MAU2: variants seen among roughly 807,000 people sequenced by gnomAD.
The protein encoded by MAU2 is MAU2 chromatid cohesion factor homolog.
In MAU2, 9 loss-of-function variants were observed where a neutral mutation model predicts 89.1. That is an observed-to-expected ratio of 0.10 (90% CI 0.06 to 0.18). The LOEUF is 0.18. Among genes scored for constraint, MAU2 ranks in the 10% least tolerant of loss-of-function variants. The probability of loss-of-function intolerance (pLI) is 1.00; values close to 1 mark genes in which losing one functional copy is unlikely to be tolerated. For missense variants in MAU2, 425 were observed against 803.5 expected, an observed-to-expected ratio of 0.53 and a Z score of 5.69; for synonymous variants, 357 against 343.4, an observed-to-expected ratio of 1.04 and a Z score of -0.44.
Position 19,320,921 on chromosome 19 carries a change from C to A in MAU2, c.62C>A (p.Ala21Glu), listed in dbSNP as rs768791202. The A allele has an allele frequency of 1.3e-5, 21 of 1,560,254 alleles. No homozygotes were observed. Among genetic ancestry groups the A allele is most frequent in the Non-Finnish European group, 1.8e-5 (21 of 1,153,648 alleles). Residue 21 changes from alanine (A) to glutamate (E), a missense_variant, in exon 1 of 19, where the codon GCG becomes GAG. By Grantham distance (107) the Ala-to-Glu change is moderately radical (BLOSUM62 -1). This residue lies in a region of MAU2 where 61 missense variants were observed against 40.1 expected (regional missense o/e 1.52). Coordinates refer to ENST00000262815, the MANE Select transcript of MAU2 (RefSeq NM_015329.4). ...AAAAQAAQAE[A>E]ADSWYLALLG... ...GCGGCCCAGGCTGCGCAGGCCGAGG[C>A]GGCCGACTCGTGGTACCTGGCGCTT... is the stretch of plus-strand genomic sequence containing the variant.
rs756997 is a variant in MAU2, at chr19:19,356,276, G to C, written c.*494G>C. ...GAATTTGGAGGGAAGAAGTAATGGC[G>C]CTAGTGTGGGACGAAGCACAGATCC... On this transcript the variant is annotated 3_prime_UTR_variant, in exon 19 of 19. Transcript: ENST00000262815. 0.84 allele frequency: 297,829 copies of C among 352,660 alleles called. 126,024 individuals are homozygous for C. Among genetic ancestry groups the C allele is most frequent in the East Asian group, 1 (13,347 of 13,354 alleles). 21.8% of individuals were successfully genotyped at this position (352,660 alleles called of 1,614,324 possible). A position where few individuals can be genotyped will look rare whatever the true frequency, so the allele number is the denominator to read the frequency against.
intron 1 of MAU2, chr19:19,321,452 C>T (rs2061455317): frequency 3.3e-6 from 1 of 304,264 alleles, no homozygotes; most frequent in Non-Finnish European, 6.1e-6. Context: ...CAGGAGGATC[C>T]CACCTGTTGG....
At chr19:19,349,889 C>G (rs926959203) in intron 16 of MAU2, among the ~76,000 whole-genome samples, 1 of 152,026 alleles carries the variant, frequency 6.6e-6, no homozygotes, top group African/African-American at 2.4e-5. Flanking sequence ...CACCCAAGGT[C>G]AGCCAGTCTC....
intron 1 of MAU2, among the ~76,000 whole-genome samples, chr19:19,326,708 A>ATATATATACACATATATATATGTG (rs1383883943): frequency 2.1e-4 from 25 of 120,154 alleles, no homozygotes; most frequent in East Asian, 1.2e-3. Flanking sequence ...ATATGTATAT[A>ATATATATACACATATATATATGTG]TATATATATA....
intron 1 of MAU2, among the ~76,000 whole-genome samples, chr19:19,322,459 C>T (rs964567847): frequency 5.3e-5 from 8 of 152,106 alleles, no homozygotes; most frequent in African/African-American, 1.9e-4. Flanking sequence ...ACTAGCTGGG[C>T]GTACTGACGC....
intron 17 of MAU2, 57 bp from the exon 18 acceptor site, chr19:19,355,207 G>T: frequency 6.2e-7 from 1 of 1,609,190 alleles, no homozygotes; most frequent in Non-Finnish European, 8.5e-7. Context: ...CACCGAGTGG[G>T]AGGGCCTGGG....
At chr19:19,340,972 T>TGGCCCCTTAGGCGCCC in intron 6 of MAU2, 99 bp downstream of exon 6, 1 of 1,519,262 alleles carries the variant, frequency 6.6e-7, no homozygotes, top group Non-Finnish European at 9.0e-7. Flanking sequence ...CTCCATGGCA[T>TGGCCCCTTAGGCGCCC]GGCCCCTTAG....
At chr19:19,331,843 C>T (rs558867680) in intron 1 of MAU2, among the ~76,000 whole-genome samples, 1 of 152,348 alleles carries the variant, frequency 6.6e-6, no homozygotes, top group Non-Finnish European at 1.5e-5. Context: ...CTCACCCTGA[C>T]ACCAGGCCCA....
intron 7 of MAU2, among the ~76,000 whole-genome samples, chr19:19,341,825 G>T (rs865946826): frequency 3.5e-4 from 54 of 152,306 alleles, no homozygotes; most frequent in African/African-American, 1.2e-3. Flanking sequence ...CCATGTCCGA[G>T]ACTGGACTCA....
intron 9 of MAU2, among the ~76,000 whole-genome samples, chr19:19,343,271 C>T (rs2061667498): frequency 6.6e-6 from 1 of 152,204 alleles, no homozygotes. Flanking sequence ...ATCCAGGGAC[C>T]TTTGACTAGC....
Position 19,358,097 on chromosome 19 carries a change from CAATG to C in MAU2, c.*2316_*2319del, listed in dbSNP as rs899996756. ...TTTGTCTCAAAAAAAAAAAAAAAAA[CAATG>C]GAAGGCAGACAGCAAGTCCCTGAGG... On this transcript the variant is annotated 3_prime_UTR_variant, in exon 19 of 19. Coordinates refer to ENST00000262815, the MANE Select transcript of MAU2 (RefSeq NM_015329.4). 1 of 145,686 alleles carries C rather than the reference CAATG, an allele frequency of 6.9e-6. No homozygotes were observed. Among genetic ancestry groups the C allele is most frequent in the African/African-American group, 2.5e-5 (1 of 39,998 alleles). The allele number at this position is 145,686 out of a possible 1,614,324, so 9.0% of individuals were successfully genotyped here. A position where few individuals can be genotyped will look rare whatever the true frequency, so the allele number is the denominator to read the frequency against.
intron 16 of MAU2, among the ~76,000 whole-genome samples, chr19:19,351,893 G>C (rs11672355): frequency 0.12 from 17,418 of 139,680 alleles, 1,170 homozygotes; most frequent in African/African-American, 0.17. Flanking sequence ...CTCTTGCCCA[G>C]GCTGGAGTGT....
intron 16 of MAU2, 193 bp from the exon 17 acceptor site, chr19:19,354,162 T>G: frequency 1.6e-6 from 1 of 610,334 alleles, no homozygotes; most frequent in Admixed American, 2.5e-5. Context: ...AGTTTGTTTT[T>G]CAGTGATACT....
At chr19:19,348,821 C>G in intron 13 of MAU2, 68 bp from the exon 14 acceptor site, 1 of 1,519,026 alleles carries the variant, frequency 6.6e-7, no homozygotes. Context: ...CCATGCACTG[C>G]AGTGTGTCTT....
At chr19:19,340,777 G>A (rs1041836721) in intron 5 of MAU2, 69 bp from the exon 6 acceptor site, 1 of 1,568,022 alleles carries the variant, frequency 6.4e-7, no homozygotes, top group African/African-American at 1.4e-5. Flanking sequence ...GTGAGCCTTG[G>A]GGTAATCACA....
At chr19:19,335,676 G>T in intron 1 of MAU2, 42 bp from the exon 2 acceptor site, 1 of 1,611,880 alleles carries the variant, frequency 6.2e-7, no homozygotes. Flanking sequence ...CAGGTGCCAG[G>T]TGTTTGCCTG....
At chr19:19,354,571 A>G (rs576738596) in intron 17 of MAU2, 126 bp downstream of exon 17, 1 of 794,672 alleles carries the variant, frequency 1.3e-6, no homozygotes, top group South Asian at 1.5e-5. Flanking sequence ...CCCCAGTTCT[A>G]GCATGGGTAG....
At chr19:19,342,717 G>A (rs377575388) in intron 8 of MAU2, 36 bp downstream of exon 8, 2 of 1,613,248 alleles carry the variant, frequency 1.2e-6, no homozygotes, top group African/African-American at 1.3e-5. Context: ...AGGGCTGGGG[G>A]CGGGGGCAGG....
In MAU2 at chr19:19,343,912, C is replaced by G; in HGVS notation, c.1049C>G (p.Thr350Arg). ...CACATCATCATGTGCCGCCTTGTCA[C>G]GGGTCACAAGGCCACGGCGCTGCAG... ...LEHIIMCRLVTGHKATALQEI... is the reference protein window; with the variant it reads ...LEHIIMCRLVRGHKATALQEI... Residue 350 changes from threonine to arginine, a missense_variant, in exon 10 of 19, where the codon ACG (threonine) becomes AGG (arginine). This residue lies in a region of MAU2 where 39 missense variants were observed against 56.3 expected (regional missense o/e 0.69). Transcript: ENST00000262815. 6.2e-7 allele frequency: 1 copy of G among 1,613,156 alleles called. No individual in the cohort carries two copies. Among genetic ancestry groups the G allele is most frequent in the Non-Finnish European group, 8.5e-7 (1 of 1,179,994 alleles).
Sources: allele counts gnomAD v4.1 joint callset (sites outside exome capture counted in the v4.1 genomes callset), GRCh38; gene constraint gnomAD v4.1.1; regional missense constraint gnomAD v4.1.1; transcripts MANE v1.5; gene names NCBI Gene and HGNC (gene_info 2026-07-23, HGNC 2026-07-21).